Variants in EFCAB5 observed in about 807,000 individuals in gnomAD.
EFCAB5 encodes the protein EF-hand calcium binding domain 5, also known as EF-hand calcium-binding domain-containing protein 5.
EFCAB5 carries 131 observed loss-of-function variants against 167.9 expected under a neutral mutation model. The ratio of observed to expected loss-of-function variants is 0.78; its 90% CI spans 0.68 to 0.90. EFCAB5 has a LOEUF of 0.90. Among genes scored for constraint, EFCAB5 ranks in the 40% least tolerant of loss-of-function variants. The probability of loss-of-function intolerance (pLI) is 0.00; values close to 1 mark genes in which losing one functional copy is unlikely to be tolerated. For synonymous variants in EFCAB5, 574 were observed against 602.8 expected, an observed-to-expected ratio of 0.95 and a Z score of 0.70; for missense variants, 1,663 against 1,745.2, an observed-to-expected ratio of 0.95 and a Z score of 0.84.
intron 7 of EFCAB5, among the ~76,000 whole-genome samples, chr17:30,009,092 G>A (rs1459305908): frequency 3.3e-5 from 5 of 152,086 alleles, no homozygotes; most frequent in Non-Finnish European, 7.4e-5. Flanking sequence ...AAGGATATAT[G>A]TGATTGCATT....
At chr17:30,049,493 AAACAAAAAC>A (rs2070023987) in intron 8 of EFCAB5, among the ~76,000 whole-genome samples, 1 of 152,058 alleles carries the variant, frequency 6.6e-6, no homozygotes, top group African/African-American at 2.4e-5. Flanking sequence ...ACAAAAACAA[AAACAAAAAC>A]AAACAAAAAA....
chr17:29,981,216 T>C (rs545725704), intron 4 of EFCAB5, among the ~76,000 whole-genome samples: 1 of 152,304 alleles, frequency 6.6e-6, no homozygotes, highest in Non-Finnish European at 1.5e-5. Flanking sequence ...AAGAACAAAA[T>C]TCTTAACTAA....
intron 3 of EFCAB5, among the ~76,000 whole-genome samples, chr17:29,949,396 G>A (rs947851648): frequency 2.6e-5 from 4 of 152,202 alleles, no homozygotes; most frequent in African/African-American, 9.7e-5. Context: ...ACATATTGGG[G>A]GCAGAGCTTG....
At chr17:30,035,197 G>T (rs2069584720) in intron 8 of EFCAB5, among the ~76,000 whole-genome samples, 1 of 152,060 alleles carries the variant, frequency 6.6e-6, no homozygotes, top group Non-Finnish European at 1.5e-5. Context: ...ATTGAATATT[G>T]CTTCTTTTAA....
At chr17:30,099,758 C>T (rs892939040) in intron 22 of EFCAB5, among the ~76,000 whole-genome samples, 2 of 152,166 alleles carry the variant, frequency 1.3e-5, no homozygotes, top group South Asian at 2.1e-4. Flanking sequence ...AAATGTATCC[C>T]GGATTCCATT....
At chr17:30,071,259 T>C (rs367883732) in intron 14 of EFCAB5, among the ~76,000 whole-genome samples, 1 of 111,256 alleles carries the variant, frequency 9.0e-6, no homozygotes, top group East Asian at 2.1e-4. Context: ...GGATTAATAT[T>C]CAAAATATAT....
At chr17:30,097,455 G>T (rs1009590005) in intron 22 of EFCAB5, among the ~76,000 whole-genome samples, 9 of 152,124 alleles carry the variant, frequency 5.9e-5, no homozygotes, top group Non-Finnish European at 1.2e-4. Flanking sequence ...AGTCCCCCTC[G>T]CCAGGGGCAA....
intron 4 of EFCAB5, among the ~76,000 whole-genome samples, chr17:29,981,241 C>A (rs754448038): frequency 6.6e-6 from 1 of 152,210 alleles, no homozygotes; most frequent in African/African-American, 2.4e-5. Flanking sequence ...ATGAGACCTT[C>A]TTTGGATGAC....
intron 4 of EFCAB5, among the ~76,000 whole-genome samples, chr17:29,984,113 G>GAGTGAGTGAGTGGTTT (rs2068232306): frequency 6.6e-6 from 1 of 151,868 alleles, no homozygotes; most frequent in Non-Finnish European, 1.5e-5. Context: ...TATAATGAAT[G>GAGTGAGTGAGTGGTTT]AGTGAGTGAG....
chr17:29,956,479 AG>A (rs1408782958), intron 3 of EFCAB5, among the ~76,000 whole-genome samples: 1 of 152,252 alleles, frequency 6.6e-6, no homozygotes, highest in Non-Finnish European at 1.5e-5. Context: ...TGGTTTGAAC[AG>A]CTGACTGTCT....
chr17:29,987,317 A>G (rs1167876649), intron 4 of EFCAB5, among the ~76,000 whole-genome samples: 1 of 152,166 alleles, frequency 6.6e-6, no homozygotes, highest in Non-Finnish European at 1.5e-5. Context: ...GGATCTTCCC[A>G]AAACCTCTTC....
intron 22 of EFCAB5, among the ~76,000 whole-genome samples, chr17:30,097,058 ATATT>A (rs1567777542): frequency 0.04 from 2,552 of 63,304 alleles, 42 homozygotes; most frequent in African/African-American, 0.11. Flanking sequence ...ACATATATAT[ATATT>A]TTTTTTTTTT....
chr17:30,071,510 C>T (rs374955330), intron 14 of EFCAB5, among the ~76,000 whole-genome samples: 19 of 151,676 alleles, frequency 1.3e-4, no homozygotes, highest in South Asian at 4.2e-4. Flanking sequence ...CAAATGCTGG[C>T]GAGGATGCAG....
chr17:30,087,250 C>A (rs1360245782), intron 19 of EFCAB5, 84 bp downstream of exon 19: 5 of 1,057,888 alleles, frequency 4.7e-6, no homozygotes, highest in African/African-American at 3.2e-5. Flanking sequence ...GCTTCTGACT[C>A]TTGCTCATAC....
At chr17:30,106,462 A>C (rs1414911670) in intron 22 of EFCAB5, among the ~76,000 whole-genome samples, 2 of 151,612 alleles carry the variant, frequency 1.3e-5, no homozygotes, top group African/African-American at 4.8e-5. Context: ...AATTATTATT[A>C]TTATTATTTT....
At chr17:29,961,209 T>C (rs1366903213) in intron 3 of EFCAB5, among the ~76,000 whole-genome samples, 1 of 152,204 alleles carries the variant, frequency 6.6e-6, no homozygotes, top group African/African-American at 2.4e-5. Context: ...CCCTAATAAC[T>C]CATAATGTTG....
At position 29,941,816 on chromosome 17, in the gene EFCAB5, A is replaced by C; in HGVS notation, c.20A>C (p.Gln7Pro). Residue 7 changes from glutamine to proline, a missense_variant, in exon 1 of 23, where the codon CAA becomes CCA. Gln to Pro is a moderately conservative substitution (Grantham distance 76). Coordinates refer to ENST00000394835, the MANE Select transcript of EFCAB5 (RefSeq NM_198529.4). MNESASQEELRPAQENR... is the reference protein window; with the variant it reads MNESASPEELRPAQENR... Reference sequence around the variant, plus strand: ...GTCCAAATGAATGAGTCAGCATCTCAAGAGGAACTCAGACCTGCTCAGGTT... The same window carrying C: ...GTCCAAATGAATGAGTCAGCATCTCCAGAGGAACTCAGACCTGCTCAGGTT... 1 of 1,605,880 alleles carries C rather than the reference A, an allele frequency of 6.2e-7. No homozygotes were observed.
At chr17:30,004,787 ATT>A (rs60231360) in intron 7 of EFCAB5, among the ~76,000 whole-genome samples, 70 of 115,108 alleles carry the variant, frequency 6.1e-4, no homozygotes, top group African/African-American at 2.0e-3. Context: ...CTCCTGGCTA[ATT>A]TTTTTTTTTT....
At chr17:30,096,603 CATT>C (rs2071290464) in intron 22 of EFCAB5, among the ~76,000 whole-genome samples, 1 of 147,392 alleles carries the variant, frequency 6.8e-6, no homozygotes, top group African/African-American at 2.5e-5. Flanking sequence ...ATTTGACACT[CATT>C]GTTTAAAATT....
Sources: gnomAD v4.1 joint callset for allele counts (sites outside exome capture counted in the v4.1 genomes callset) on GRCh38, gnomAD v4.1.1 for gene constraint, MANE v1.5 for transcripts, NCBI Gene and HGNC (gene_info 2026-07-23, HGNC 2026-07-21) for gene names.